MEI1: variants seen among roughly 807,000 people sequenced by gnomAD.
MEI1 encodes meiotic double-stranded break formation protein 1.
Under a neutral mutation model 146.2 loss-of-function variants are expected in MEI1, and 103 were observed. That is an observed-to-expected ratio of 0.70 (90% confidence interval 0.60 to 0.83). The LOEUF is 0.83. MEI1 is among the 40% of genes least tolerant of loss of function. The probability of loss-of-function intolerance (pLI) is 0.00; values close to 1 mark genes in which losing one functional copy is unlikely to be tolerated. For synonymous variants in MEI1, 652 were observed against 628.2 expected, an observed-to-expected ratio of 1.04 and a Z score of -0.57; for missense variants, 1,529 against 1,533.0, an observed-to-expected ratio of 1.00 and a Z score of 0.04.
chr22:41,745,772 G>T, intron 13 of MEI1, 113 bp from the exon 14 acceptor site: 2 of 1,052,842 alleles, frequency 1.9e-6, no homozygotes, highest in South Asian at 3.9e-5. Flanking sequence ...TGATAATAGA[G>T]ATACTTTCCC....
chr22:41,770,727 A>C lies in MEI1; in HGVS notation c.2310A>C (p.Pro770=). ...TCAGAAAATTCCTAGAAGGCATCCC[A>C]GACCTGCAGCTAGTCTATACTCACC... is the stretch of plus-strand genomic sequence containing the variant. ...SAIRKFLEGI[P]DLQLVYTHHP... The change falls in exon 20 of 31, where the codon CCA becomes CCC. Residue 770 remains proline, a synonymous_variant. Transcript: ENST00000401548. 1 of 1,613,940 alleles carries C rather than the reference A, an allele frequency of 6.2e-7. No homozygotes were observed. Among genetic ancestry groups the C allele is most frequent in the Non-Finnish European group, 8.5e-7 (1 of 1,179,870 alleles).
In MEI1 at chr22:41,776,279, G is replaced by C. The variant is rs754617434; in HGVS notation, c.2710+12G>C. The C allele has an allele frequency of 4.9e-5, 79 of 1,612,564 alleles. No individual in the cohort carries two copies. The highest frequency in any genetic ancestry group is 6.6e-5 in the Non-Finnish European group (78 of 1,179,668). On this transcript the variant is annotated intron_variant, in intron 21 of 30. Transcript: ENST00000401548. ...ATCCCCATCAGGAGGTCAGTCTGCA[G>C]GTGCTGTGGGCACACTTTGACCTGA... is the stretch of plus-strand genomic sequence containing the variant.
chr22:41,799,296 CTG>C lies in MEI1; in HGVS notation c.3823_3824del (p.Ter1275IlefsTer5), dbSNP rs1311906601. On this transcript the variant is annotated frameshift_variant and stop_lost, in exon 31 of 31. Transcript: ENST00000401548. LOFTEE classifies it high-confidence loss of function. ...VAVSLSHIRN[*>X] ...CTGTATCCCTGTCCCACATCAGAAA[CTG>C]ATCCTCAGGACTTGAAGGCCCAGAA... 4 of 1,613,568 alleles carry C rather than the reference CTG, an allele frequency of 2.5e-6. No individual in the cohort carries two copies. The highest frequency in any genetic ancestry group is 1.6e-4 in the Middle Eastern group (1 of 6,062).
At chr22:41,711,863 T>C (rs1046486373) in intron 3 of MEI1, among the ~76,000 whole-genome samples, 2 of 151,906 alleles carry the variant, frequency 1.3e-5, no homozygotes, top group Non-Finnish European at 2.9e-5. Context: ...TCTTTTTTTT[T>C]AGTATATATA....
At chr22:41,798,609 G>A (rs1363446623) in intron 30 of MEI1, among the ~76,000 whole-genome samples, 2 of 151,802 alleles carry the variant, frequency 1.3e-5, no homozygotes, top group African/African-American at 4.8e-5. Context: ...GCCGGGCGCA[G>A]TGGCTCACAC....
At chr22:41,732,386 T>G in intron 10 of MEI1, 42 bp downstream of exon 10, 1 of 1,613,354 alleles carries the variant, frequency 6.2e-7, no homozygotes, top group Non-Finnish European at 8.5e-7. Flanking sequence ...GGGGCCAGAC[T>G]GCAGAAGGAA....
At chr22:41,772,238 T>A (rs1383786378) in intron 20 of MEI1, among the ~76,000 whole-genome samples, 1 of 152,192 alleles carries the variant, frequency 6.6e-6, no homozygotes, top group Non-Finnish European at 1.5e-5. Flanking sequence ...ATTTTTATTT[T>A]TTTTCTTTTT....
intron 30 of MEI1, among the ~76,000 whole-genome samples, chr22:41,798,601 C>T (rs1417555948): frequency 5.3e-5 from 8 of 151,318 alleles, no homozygotes; most frequent in African/African-American, 1.2e-4. Context: ...GCTTGGGGGC[C>T]GGGCGCAGTG....
chr22:41,701,156 G>C (rs2068698807), intron 1 of MEI1, among the ~76,000 whole-genome samples: 3 of 151,734 alleles, frequency 2.0e-5, no homozygotes, highest in Non-Finnish European at 4.4e-5. Flanking sequence ...TCAGGTTGGT[G>C]TTGAACTCCC....
intron 13 of MEI1, 89 bp from the exon 14 acceptor site, chr22:41,745,796 C>T: frequency 7.3e-7 from 1 of 1,363,068 alleles, no homozygotes; most frequent in South Asian, 1.5e-5. Flanking sequence ...ACCCTGAGCA[C>T]AGGCACTCCC....
chr22:41,746,143 G>A (rs1299913934), intron 14 of MEI1, 117 bp downstream of exon 14: 41 of 913,954 alleles, frequency 4.5e-5, no homozygotes, highest in Non-Finnish European at 5.9e-5. Context: ...GGGGGCCTCA[G>A]CAGTGCAATT....
chr22:41,700,353 C>T (rs1003506837), intron 1 of MEI1, among the ~76,000 whole-genome samples: 3 of 152,232 alleles, frequency 2.0e-5, no homozygotes, highest in Non-Finnish European at 2.9e-5. Flanking sequence ...TGTTTCGAGA[C>T]GGAGTCTCGC....
In MEI1 at chr22:41,781,713, C is replaced by A. The variant is rs376167569; in HGVS notation, c.2955C>A (p.Gly985=). ...CTGCAGTGCTCCTGAGCAGCACAGG[C>A]CTGATGGAGCTTCTGGAGAAGATGC... is the stretch of plus-strand genomic sequence containing the variant. ...RAAAVLLSST[G]LMELLEKMLA... Residue 985 remains glycine (G), a synonymous_variant, in exon 24 of 31, where the codon GGC becomes GGA. Transcript: ENST00000401548. 9 of 1,613,548 alleles carry A rather than the reference C, an allele frequency of 5.6e-6. No homozygotes were observed. Among genetic ancestry groups the A allele is most frequent in the Admixed American group, 1.7e-5 (1 of 60,008 alleles).
At chr22:41,782,619 C>T (rs936651184) in intron 24 of MEI1, among the ~76,000 whole-genome samples, 2 of 152,230 alleles carry the variant, frequency 1.3e-5, no homozygotes, top group Admixed American at 6.5e-5. Context: ...GATGGGCACA[C>T]AGAAGTGACA....
intron 7 of MEI1, among the ~76,000 whole-genome samples, chr22:41,728,935 G>A (rs1452532089): frequency 6.6e-6 from 1 of 151,934 alleles, no homozygotes; most frequent in African/African-American, 2.4e-5. Flanking sequence ...GGAGGCCAAG[G>A]CAAGTGGATC....
intron 7 of MEI1, among the ~76,000 whole-genome samples, chr22:41,724,643 G>A (rs932833175): frequency 2.5e-4 from 38 of 149,954 alleles, no homozygotes; most frequent in African/African-American, 8.8e-4. Context: ...AAATTAGCTG[G>A]GCGTGGGCGT....
At chr22:41,781,451 A>G in intron 23 of MEI1, 57 bp downstream of exon 23, 2 of 1,396,092 alleles carry the variant, frequency 1.4e-6, no homozygotes, top group South Asian at 1.2e-5. Context: ...GGTCCTCTGT[A>G]TCTCAACTTT....
rs539145975 is a variant in MEI1 at position 41,711,424 on chromosome 22, C to G, written c.350-2578C>G. Among the ~76,000 whole-genome samples, 6 of 152,304 alleles carry G rather than the reference C, an allele frequency of 3.9e-5. No homozygotes were observed. The East Asian group carries it at 1.2e-3, about 29-fold the overall frequency. On this transcript the variant is annotated intron_variant, in intron 3 of 30. Transcript: ENST00000401548. ...TTGACCTCATGATCCGTTCTGACCC[C>G]CCGGGGGATTTTCCTTCATCATTTT...
chr22:41,785,941 C>T (rs140552996), intron 26 of MEI1, among the ~76,000 whole-genome samples: 6,379 of 123,762 alleles, frequency 0.052, 506 homozygotes, highest in African/African-American at 0.18. Flanking sequence ...GACGGAGTCT[C>T]GCTCTGTCGC....
Sources: allele counts gnomAD v4.1 joint callset (sites outside exome capture counted in the v4.1 genomes callset), GRCh38; gene constraint gnomAD v4.1.1; transcripts MANE v1.5; gene names NCBI Gene and HGNC (gene_info 2026-07-23, HGNC 2026-07-21).